Variants in MYOM2 observed in about 807,000 individuals in gnomAD.
MYOM2 encodes the protein myomesin-2.
Under a neutral mutation model 187.6 loss-of-function variants are expected in MYOM2, and 254 were observed. That is an observed-to-expected ratio of 1.35 (90% CI 1.22 to 1.50). MYOM2 has a LOEUF of 1.50. MYOM2 is among the 40% of genes most tolerant of loss of function. MYOM2 has a pLI of 0.00. For synonymous variants in MYOM2, 981 were observed against 753.8 expected (o/e 1.30, Z -4.94); for missense variants, 2,796 against 1,924.0 (o/e 1.45, Z -8.48).
At chr8:2,076,751 TC>T (rs1819438133) in intron 11 of MYOM2, 1 of 153,212 alleles carries the variant, frequency 6.5e-6, no homozygotes, top group Admixed American at 6.5e-5. Flanking sequence ...AAGGTGTTCT[TC>T]TTGTTTCCAA....
At chr8:2,113,207 A>G (rs976565231) in intron 25 of MYOM2, among the ~76,000 whole-genome samples, 3 of 152,192 alleles carry the variant, frequency 2.0e-5, no homozygotes, top group African/African-American at 7.2e-5. Flanking sequence ...TGGACATTGG[A>G]TTCCCTCGAC....
At chr8:2,129,952 G>T (rs1797796256) in intron 32 of MYOM2, among the ~76,000 whole-genome samples, 1 of 152,176 alleles carries the variant, frequency 6.6e-6, no homozygotes, top group African/African-American at 2.4e-5. Flanking sequence ...TCAGGTGGGT[G>T]GGAAGGACAG....
chr8:2,108,412 C>T (rs944849303), intron 23 of MYOM2, among the ~76,000 whole-genome samples: 4 of 151,996 alleles, frequency 2.6e-5, no homozygotes, highest in Admixed American at 6.5e-5. Context: ...GCCAGAAGCA[C>T]GTTCTCAGCC....
intron 23 of MYOM2, 116 bp downstream of exon 23, chr8:2,106,713 T>C (rs1439783764): frequency 1.3e-6 from 1 of 750,836 alleles, no homozygotes; most frequent in Admixed American, 2.9e-5. Context: ...TGCAGGAGGC[T>C]GGCGGTGGGG....
At chr8:2,143,564 C>T (rs1347063392) in intron 36 of MYOM2, 108 bp downstream of exon 36, 1 of 1,355,632 alleles carries the variant, frequency 7.4e-7, no homozygotes, top group Non-Finnish European at 1.0e-6. Context: ...CTTCTGTGTC[C>T]TCACTCAGCC....
intron 25 of MYOM2, among the ~76,000 whole-genome samples, chr8:2,110,334 CA>C (rs1563062509): frequency 6.6e-6 from 1 of 152,100 alleles, no homozygotes; most frequent in Non-Finnish European, 1.5e-5. Flanking sequence ...ACAACAACAA[CA>C]AAAAAGGCAC....
At chr8:2,046,186 G>A (rs931032477) in intron 1 of MYOM2, among the ~76,000 whole-genome samples, 1 of 152,206 alleles carries the variant, frequency 6.6e-6, no homozygotes, top group African/African-American at 2.4e-5. Context: ...CCTTCATTAA[G>A]TGGAAGTCAA....
At chr8:2,079,372 C>T (rs956333367) in intron 12 of MYOM2, among the ~76,000 whole-genome samples, 188 bp from the exon 13 acceptor site, 1 of 151,988 alleles carries the variant, frequency 6.6e-6, no homozygotes, top group African/African-American at 2.4e-5. Context: ...CCTTTGCATC[C>T]ACCACCAAGA....
chr8:2,142,237 GTTC>G lies in MYOM2; in HGVS notation c.4002-133_4002-131del, dbSNP rs990526735. 1.8e-5 allele frequency: 16 copies of G among 877,260 alleles called. No individual in the cohort carries two copies. In the African/African-American group the frequency reaches 2.2e-4, roughly 12 times the overall value. 54.3% of individuals were successfully genotyped at this position (877,260 alleles called of 1,614,324 possible). ...TCCTGGGGTCCTGTGACCCGAACAT[GTTC>G]TTCTAAGAGAATGCAAACGTATCTC... On this transcript the variant is annotated intron_variant, in intron 34 of 36. Coordinates refer to ENST00000262113, the MANE Select transcript of MYOM2 (RefSeq NM_003970.4).
intron 10 of MYOM2, among the ~76,000 whole-genome samples, chr8:2,074,663 C>G (rs1234139066): frequency 6.6e-6 from 1 of 152,136 alleles, no homozygotes; most frequent in African/African-American, 2.4e-5. Flanking sequence ...CCATGTTGGC[C>G]AGGCTGGTCT....
intron 25 of MYOM2, among the ~76,000 whole-genome samples, chr8:2,114,138 C>G (rs1339424773): frequency 1.3e-5 from 2 of 152,234 alleles, no homozygotes. Flanking sequence ...GTGGCCACGA[C>G]AAGGATGGGC....
intron 17 of MYOM2, among the ~76,000 whole-genome samples, chr8:2,094,814 GTGTT>G (rs1018108705): frequency 3.3e-5 from 5 of 152,202 alleles, no homozygotes; most frequent in African/African-American, 1.2e-4. Context: ...GTAAATAGTG[GTGTT>G]TAACAGTTTT....
intron 34 of MYOM2, 82 bp downstream of exon 34, chr8:2,141,259 T>A: frequency 7.9e-7 from 1 of 1,260,610 alleles, no homozygotes; most frequent in Non-Finnish European, 1.1e-6. Flanking sequence ...GGAATCTGTA[T>A]GGAAGCCTGG....
At position 2,104,333 on chromosome 8, in the gene MYOM2, T is replaced by G. The variant is rs575403200; in HGVS notation, c.2734+1552T>G. Among the ~76,000 whole-genome samples, 4 of 152,278 alleles carry G rather than the reference T, an allele frequency of 2.6e-5. No homozygotes were observed. The South Asian group carries it at 6.2e-4, about 24-fold the overall frequency. On this transcript the variant is annotated intron_variant, in intron 21 of 36. Transcript: ENST00000262113. ...AAAGTTTATTGGGGCGTGGGTGTGGTGGCTCACGCCTGTAATCCCAGCAAT... is the reference window on the plus strand; with the variant it reads ...AAAGTTTATTGGGGCGTGGGTGTGGGGGCTCACGCCTGTAATCCCAGCAAT...
Position 2,085,461 on chromosome 8 carries a change from G to GCTT in MYOM2, c.1644+72_1644+73insTTC, listed in dbSNP as rs1819792238. On this transcript the variant is annotated intron_variant, in intron 14 of 36. Transcript: ENST00000262113. Reference sequence around the variant, plus strand: ...CCCCCACTGTCATGATCTCTGCGTGGCCCACCGCTGTCGTGATCTCCGCGT... The same window carrying GCTT: ...CCCCCACTGTCATGATCTCTGCGTGGCTTCCCACCGCTGTCGTGATCTCCGCGT... The GCTT allele has an allele frequency of 1.8e-5, 28 of 1,540,888 alleles. 1 individual carries two copies. Among genetic ancestry groups the GCTT allele is most frequent in the South Asian group, 6.1e-5 (5 of 82,264 alleles).
intron 25 of MYOM2, among the ~76,000 whole-genome samples, chr8:2,114,785 T>C (rs899847226): frequency 1.3e-5 from 2 of 152,086 alleles, no homozygotes; most frequent in Non-Finnish European, 1.5e-5. Flanking sequence ...AAATTTCTTT[T>C]TTCTTTTTAT....
At chr8:2,089,435 T>C (rs957006953) in intron 14 of MYOM2, among the ~76,000 whole-genome samples, 1 of 152,216 alleles carries the variant, frequency 6.6e-6, no homozygotes, top group Non-Finnish European at 1.5e-5. Flanking sequence ...TTGCATTCTG[T>C]ATTAGATTTC....
At position 2,094,306 on chromosome 8, in the gene MYOM2, C is replaced by T. The variant is rs373284953; in HGVS notation, c.2125+215C>T. Among the ~76,000 whole-genome samples, 591 of 150,852 alleles carry T rather than the reference C, an allele frequency of 3.9e-3. 7 individuals are homozygous for T. The highest frequency in any genetic ancestry group is 0.015 in the South Asian group (70 of 4,796). Reference sequence around the variant, plus strand: ...GAGAAATGATAATACACTAATAAAACGCAAATTAAAAATAGAAAACATTGT... The same window carrying T: ...GAGAAATGATAATACACTAATAAAATGCAAATTAAAAATAGAAAACATTGT... On this transcript the variant is annotated intron_variant, in intron 17 of 36. Transcript: ENST00000262113.
At chr8:2,138,260 G>T (rs1798150306) in intron 32 of MYOM2, among the ~76,000 whole-genome samples, 1 of 152,192 alleles carries the variant, frequency 6.6e-6, no homozygotes, top group Non-Finnish European at 1.5e-5. Context: ...GGCCCGGCCG[G>T]CTCTGGCTGC....
Sources: gnomAD v4.1 joint callset for allele counts (sites outside exome capture counted in the v4.1 genomes callset) on GRCh38, gnomAD v4.1.1 for gene constraint, MANE v1.5 for transcripts, NCBI Gene and HGNC (gene_info 2026-07-23, HGNC 2026-07-21) for gene names.